The following GOLGA8H variants were observed in gnomAD, a reference collection of about 807,000 sequenced individuals.
The protein encoded by GOLGA8H is golgin A8 family member H, also known as golgin subfamily A member 8H.
Under a neutral mutation model 82.7 loss-of-function variants are expected in GOLGA8H, and 47 were observed. The observed-to-expected ratio is 0.57, with a 90% CI of 0.45 to 0.73. GOLGA8H has a LOEUF of 0.73. Among genes scored for constraint, GOLGA8H ranks in the 30% least tolerant of loss-of-function variants. The pLI, the probability that GOLGA8H is intolerant of heterozygous loss-of-function variation, is 0.00. For missense variants in GOLGA8H, 372 were observed against 661.0 expected, an observed-to-expected ratio of 0.56 and a Z score of 4.79; for synonymous variants, 108 against 241.6, an observed-to-expected ratio of 0.45 and a Z score of 5.13.
rs1292851159 is a variant in GOLGA8H, at chr15:30,616,952, GGTCA to G, written c.*2395_*2398del. 8.7e-4 allele frequency: 129 copies of G among 148,244 alleles called. 1 individual carries two copies. Among genetic ancestry groups the G allele is most frequent in the African/African-American group, 3.2e-3 (128 of 39,730 alleles). The allele number at this position is 148,244 out of a possible 1,614,324, so 9.2% of individuals were successfully genotyped here. On this transcript the variant is annotated 3_prime_UTR_variant, in exon 19 of 19. Coordinates refer to ENST00000566740, the MANE Select transcript of GOLGA8H (RefSeq NM_001282490.2). ...CACACACTGGCATATTTAAGCTGAA[GGTCA>G]GTCTGGAAAATAAATTTACTATATT...
intron 1 of GOLGA8H, 64 bp from the exon 2 acceptor site, chr15:30,605,779 A>G: frequency 6.3e-7 from 1 of 1,579,788 alleles, no homozygotes; most frequent in Non-Finnish European, 8.6e-7. Context: ...TAAAAACTGT[A>G]AAGGAGGATG....
Position 30,614,535 on chromosome 15 carries a change from G to C in GOLGA8H, c.1873G>C (p.Ala625Pro), listed in dbSNP as rs2060081061. 1 of 1,602,780 alleles carries C rather than the reference G, an allele frequency of 6.2e-7. No individual in the cohort carries two copies. Among genetic ancestry groups the C allele is most frequent in the Admixed American group, 1.7e-5 (1 of 59,904 alleles). ...SNCCVPLLCW[A>P]WLPRRRR is the part of the protein sequence containing the mutation. The stretch of plus-strand genomic sequence containing the variant: ...CTGCTGTGTGCCATTGTTGTGCTGG[G>C]CTTGGCTGCCAAGAAGAAGGAGATA... The change falls in exon 19 of 19, where the codon GCT becomes CCT. Residue 625 changes from alanine to proline, a missense_variant. Transcript: ENST00000566740.
At position 30,614,724 on chromosome 15, in the gene GOLGA8H, AAG is replaced by A. The variant is rs2060084233; in HGVS notation, c.*168_*169del. ...TTTAAGTTTATTTGTAAAAAGTTAA[AAG>A]AGAGTGGGTGTCTGTGGCTCTCACT... On this transcript the variant is annotated 3_prime_UTR_variant, in exon 19 of 19. Coordinates refer to ENST00000566740, the MANE Select transcript of GOLGA8H (RefSeq NM_001282490.2). 6.8e-6 allele frequency among the ~76,000 whole-genome samples: 1 copy of A among 147,336 alleles called. No individual in the cohort carries two copies. The highest frequency in any genetic ancestry group is 1.5e-5 in the Non-Finnish European group (1 of 66,554).
intron 13 of GOLGA8H, among the ~76,000 whole-genome samples, chr15:30,611,563 C>A (rs1448574266): frequency 6.6e-6 from 1 of 150,676 alleles, no homozygotes; most frequent in African/African-American, 2.5e-5. Flanking sequence ...CATCATCATC[C>A]CAGCTAGAGG....
At chr15:30,606,492 T>C (rs1025600843) in intron 2 of GOLGA8H, among the ~76,000 whole-genome samples, 13 of 151,572 alleles carry the variant, frequency 8.6e-5, no homozygotes, top group Non-Finnish European at 1.9e-4. Flanking sequence ...ATTGTTTCAC[T>C]TCCATTTGTG....
chr15:30,616,085 A>G lies in GOLGA8H; in HGVS notation c.*1524A>G, dbSNP rs2060102316. Among the ~76,000 whole-genome samples, 1 of 152,116 alleles carries G rather than the reference A, an allele frequency of 6.6e-6. No individual in the cohort carries two copies. Among genetic ancestry groups the G allele is most frequent in the South Asian group, 2.1e-4 (1 of 4,828 alleles). ...GTACCTCTGGGTTTCTGTTCGGGACATATTTTGTGCGATATTTATGTGATT... is the reference window on the plus strand; with the variant it reads ...GTACCTCTGGGTTTCTGTTCGGGACGTATTTTGTGCGATATTTATGTGATT... On this transcript the variant is annotated 3_prime_UTR_variant, in exon 19 of 19. Coordinates refer to ENST00000566740, the MANE Select transcript of GOLGA8H (RefSeq NM_001282490.2).
chr15:30,608,502 A>T lies in GOLGA8H; in HGVS notation c.432A>T (p.Lys144Asn). 6.2e-7 allele frequency: 1 copy of T among 1,611,144 alleles called. No individual in the cohort carries two copies. Among genetic ancestry groups the T allele is most frequent in the Non-Finnish European group, 8.5e-7 (1 of 1,179,618 alleles). ...AGACATTGAACATACAGAAAGGGAA[A>T]CTAAATACGGACCTGTACCACATGA... Reference protein sequence around the residue: ...QIQTLNIQKGKLNTDLYHMKR... With the variant: ...QIQTLNIQKGNLNTDLYHMKR... Residue 144 changes from lysine to asparagine, a missense_variant, in exon 7 of 19, where the codon AAA (lysine) becomes AAT (asparagine). Lys to Asn is a moderately conservative substitution (Grantham distance 94). Coordinates refer to ENST00000566740, the MANE Select transcript of GOLGA8H (RefSeq NM_001282490.2).
At position 30,608,384 on chromosome 15, in the gene GOLGA8H, T is replaced by A. The variant is rs775164062; in HGVS notation, c.396+6T>A. On this transcript the variant is annotated splice_donor_region_variant and intron_variant, in intron 6 of 18. Transcript: ENST00000566740. ...AAGCCAAAAGGGTGCTAGAGGTGAG[T>A]GGAGGGTGTGCAGTTTCCTCCTGTC... The A allele has an allele frequency of 6.4e-7, 1 of 1,569,086 alleles. No homozygotes were observed. Among genetic ancestry groups the A allele is most frequent in the African/African-American group, 1.4e-5 (1 of 73,452 alleles).
rs774694481 is a variant in GOLGA8H, at chr15:30,608,766, A to G, written c.591+10A>G. On this transcript the variant is annotated intron_variant, in intron 8 of 18. Transcript: ENST00000566740. ...GAAGAAGGCAAACCAGGTGAGTCCA[A>G]CCACCTGCCCCATCCCCTGGGAGCC... 219 of 1,396,414 alleles carry G rather than the reference A, an allele frequency of 1.6e-4. 4 individuals are homozygous for G. The highest frequency in any genetic ancestry group is 7.2e-4 in the African/African-American group (49 of 67,774). The allele number at this position is 1,396,414 out of a possible 1,614,324, so 86.5% of individuals were successfully genotyped here. A position where few individuals can be genotyped will look rare whatever the true frequency, so the allele number is the denominator to read the frequency against.
In GOLGA8H at chr15:30,607,797, C is replaced by G; in HGVS notation, c.310-233C>G. 5 of 594,372 alleles carry G rather than the reference C, an allele frequency of 8.4e-6. No individual in the cohort carries two copies. In the South Asian group the frequency reaches 1.0e-4, roughly 12 times the overall value. 36.8% of individuals were successfully genotyped at this position (594,372 alleles called of 1,614,324 possible). The stretch of plus-strand genomic sequence containing the variant: ...ATCTCTAGAGGTTTATATTGCTGTC[C>G]TCTCAAGAGATTCCAGATTCAGACT... On this transcript the variant is annotated intron_variant, in intron 4 of 18. Transcript: ENST00000566740.
intron 4 of GOLGA8H, chr15:30,607,812 A>G: frequency 1.2e-5 from 7 of 593,520 alleles, no homozygotes; most frequent in South Asian, 2.0e-5. Context: ...AAGAGATTCC[A>G]GATTCAGACT....
chr15:30,606,648 G>C (rs1415390798), intron 2 of GOLGA8H, among the ~76,000 whole-genome samples: 6 of 151,072 alleles, frequency 4.0e-5, no homozygotes, highest in African/African-American at 1.5e-4. Flanking sequence ...ACAGCCACTT[G>C]CCATCAGGAG....
At chr15:30,606,357 A>G (rs948711378) in intron 2 of GOLGA8H, among the ~76,000 whole-genome samples, 9 of 144,874 alleles carry the variant, frequency 6.2e-5, no homozygotes, top group South Asian at 2.2e-4. Flanking sequence ...TGTCTCAAAG[A>G]AAAAAAAAAA....
chr15:30,605,679 TATCA>T (rs2059913142), intron 1 of GOLGA8H, among the ~76,000 whole-genome samples, 160 bp from the exon 2 acceptor site: 1 of 151,298 alleles, frequency 6.6e-6, no homozygotes, highest in South Asian at 2.1e-4. Flanking sequence ...CTAGCCATGA[TATCA>T]ATCCTTCTCA....
At chr15:30,607,751 G>A (rs1422950434) in intron 4 of GOLGA8H, 3 of 603,826 alleles carry the variant, frequency 5.0e-6, no homozygotes, top group Non-Finnish European at 8.7e-6. Context: ...TTGCCAGAAG[G>A]AGGGGCCTTT....
rs546778200 is a variant in GOLGA8H, at chr15:30,612,502, G to T, written c.1201-95G>T. ...TGGCTGAGATGGCCTGCCAAAAGTT[G>T]CAGGAGACCCAGGGGAGGGAGCTGC... On this transcript the variant is annotated intron_variant, in intron 13 of 18. Coordinates refer to ENST00000566740, the MANE Select transcript of GOLGA8H (RefSeq NM_001282490.2). The T allele has an allele frequency of 9.2e-6, 12 of 1,299,602 alleles. No homozygotes were observed. The South Asian group carries it at 1.2e-4, about 13-fold the overall frequency. 80.5% of individuals were successfully genotyped at this position (1,299,602 alleles called of 1,614,324 possible).
rs1190950102 is a variant in GOLGA8H, at chr15:30,612,091, G to T, written c.1201-506G>T. Among the ~76,000 whole-genome samples, 4 of 50,530 alleles carry T rather than the reference G, an allele frequency of 7.9e-5. No individual in the cohort carries two copies. The East Asian group carries it at 1.1e-3, about 14-fold the overall frequency. The allele number at this position is 50,530 out of a possible 152,430, so 33.1% of individuals were successfully genotyped here. A position where few individuals can be genotyped will look rare whatever the true frequency, so the allele number is the denominator to read the frequency against. ...TAAATGAGAAGAGGGTATGAGATTTGAGGCTGGGGAAGGAGGCATGGGGTT... is the reference window on the plus strand; with the variant it reads ...TAAATGAGAAGAGGGTATGAGATTTTAGGCTGGGGAAGGAGGCATGGGGTT... On this transcript the variant is annotated intron_variant, in intron 13 of 18. Transcript: ENST00000566740.
At position 30,608,822 on chromosome 15, in the gene GOLGA8H, G is replaced by T. The variant is rs532753542; in HGVS notation, c.591+66G>T. 3.1e-4 allele frequency: 398 copies of T among 1,301,536 alleles called. 8 individuals are homozygous for T. In the African/African-American group the frequency reaches 3.9e-3, roughly 13 times the overall value. 80.6% of individuals were successfully genotyped at this position (1,301,536 alleles called of 1,614,324 possible). ...TTGCAGATGGAGGAGTGAGCCTAAA[G>T]GTCCCTTCTGCAGGATGGCGTGTCC... On this transcript the variant is annotated intron_variant, in intron 8 of 18. Coordinates refer to ENST00000566740, the MANE Select transcript of GOLGA8H (RefSeq NM_001282490.2).
chr15:30,612,984 G>T, intron 14 of GOLGA8H, 120 bp from the exon 15 acceptor site: 3 of 590,164 alleles, frequency 5.1e-6, no homozygotes, highest in Admixed American at 3.0e-5. Flanking sequence ...AAGAACAACA[G>T]CTCATTCCTC....
Sources: allele counts gnomAD v4.1 joint callset (sites outside exome capture counted in the v4.1 genomes callset), GRCh38; gene constraint gnomAD v4.1.1; transcripts MANE v1.5; gene names NCBI Gene and HGNC (gene_info 2026-07-23, HGNC 2026-07-21).